The following DLG2 variants were observed in gnomAD, a reference collection of about 807,000 sequenced individuals.
DLG2 encodes the protein disks large homolog 2.
DLG2 carries 45 observed loss-of-function variants against 132.5 expected under a neutral mutation model. That is an observed-to-expected ratio of 0.34 (90% CI 0.27 to 0.44). The LOEUF is 0.44. Among genes scored for constraint, DLG2 ranks in the 20% least tolerant of loss-of-function variants. DLG2 has a pLI of 1.00. For synonymous variants in DLG2, 424 were observed against 419.6 expected (o/e 1.01, Z -0.13); for missense variants, 1,045 against 1,196.9 (o/e 0.87, Z 1.87).
chr11:83,510,040 T>C (rs2094925184), intron 21 of DLG2, among the ~76,000 whole-genome samples: 1 of 152,228 alleles, frequency 6.6e-6, no homozygotes, highest in African/African-American at 2.4e-5. Flanking sequence ...GCAAGATTCC[T>C]GGCCCTGGCC....
At chr11:84,787,407 A>G (rs1322478994) in intron 6 of DLG2, among the ~76,000 whole-genome samples, 1 of 152,160 alleles carries the variant, frequency 6.6e-6, no homozygotes, top group African/African-American at 2.4e-5. Flanking sequence ...TTCCCTATGC[A>G]CAGAAGGCCT....
intron 6 of DLG2, among the ~76,000 whole-genome samples, chr11:84,951,821 T>C (rs2050968556): frequency 6.6e-6 from 1 of 152,022 alleles, no homozygotes; most frequent in African/African-American, 2.4e-5. Flanking sequence ...TGTATAAACA[T>C]ATGCAGATCA....
intron 2 of DLG2, among the ~76,000 whole-genome samples, chr11:85,623,090 A>G (rs944008220): frequency 1.3e-5 from 2 of 152,060 alleles, no homozygotes; most frequent in African/African-American, 2.4e-5. Context: ...CAATTATATA[A>G]CATTCTTCAG....
At chr11:84,402,269 A>G (rs2098832109) in intron 7 of DLG2, among the ~76,000 whole-genome samples, 1 of 152,168 alleles carries the variant, frequency 6.6e-6, no homozygotes, top group Non-Finnish European at 1.5e-5. Flanking sequence ...AATAAAATGT[A>G]TCTATATTAT....
At chr11:85,550,294 G>C (rs1290681932) in intron 3 of DLG2, among the ~76,000 whole-genome samples, 1 of 152,244 alleles carries the variant, frequency 6.6e-6, no homozygotes, top group Non-Finnish European at 1.5e-5. Flanking sequence ...CTAAGCCATA[G>C]TGGATGGCAG....
chr11:83,965,264 T>G (rs2089927926), intron 13 of DLG2, 60 bp downstream of exon 13: 2 of 1,529,110 alleles, frequency 1.3e-6, no homozygotes, highest in African/African-American at 1.4e-5. Context: ...TGTCAACAGT[T>G]TTATAGAATT....
chr11:84,238,429 A>T (rs1686682062), intron 8 of DLG2, among the ~76,000 whole-genome samples: 1 of 151,990 alleles, frequency 6.6e-6, no homozygotes, highest in African/African-American at 2.4e-5. Context: ...CTGAGATGAA[A>T]GGATTGTTTG....
At chr11:84,786,213 A>G (rs1378608833) in intron 6 of DLG2, among the ~76,000 whole-genome samples, 3 of 152,136 alleles carry the variant, frequency 2.0e-5, no homozygotes, top group African/African-American at 7.2e-5. Flanking sequence ...TGCCTATAGA[A>G]CAAGTGATAT....
intron 15 of DLG2, among the ~76,000 whole-genome samples, chr11:83,887,677 G>A (rs1352868366): frequency 6.6e-6 from 1 of 151,020 alleles, no homozygotes; most frequent in Non-Finnish European, 1.5e-5. Context: ...TATCCTTGAT[G>A]AACATTGATG....
At chr11:85,288,506 G>A (rs1490893168) in intron 3 of DLG2, among the ~76,000 whole-genome samples, 2 of 151,956 alleles carry the variant, frequency 1.3e-5, no homozygotes, top group East Asian at 3.9e-4. Context: ...TATTAATGGA[G>A]AGAAAAGAAT....
chr11:84,194,486 CAA>C (rs2096476931), intron 8 of DLG2, among the ~76,000 whole-genome samples: 1 of 152,192 alleles, frequency 6.6e-6, no homozygotes, highest in East Asian at 1.9e-4. Flanking sequence ...AGTGAAAGAA[CAA>C]AGACCCGAGT....
chr11:84,130,553 GTATA>G (rs2094379433), intron 9 of DLG2, among the ~76,000 whole-genome samples: 1 of 135,126 alleles, frequency 7.4e-6, no homozygotes. Context: ...TATATATAAA[GTATA>G]TATAAGTATA....
At chr11:84,919,521 C>T (rs935435184) in intron 6 of DLG2, among the ~76,000 whole-genome samples, 2 of 152,126 alleles carry the variant, frequency 1.3e-5, no homozygotes, top group African/African-American at 2.4e-5. Flanking sequence ...TAAGTCACCG[C>T]TCAAGAGACT....
chr11:84,872,699 AG>A (rs2085662744), intron 6 of DLG2, among the ~76,000 whole-genome samples: 1 of 152,352 alleles, frequency 6.6e-6, no homozygotes, highest in African/African-American at 2.4e-5. Context: ...TTCACATGTA[AG>A]CAAGGAAAAC....
intron 19 of DLG2, among the ~76,000 whole-genome samples, chr11:83,544,790 G>A (rs2096192760): frequency 6.6e-6 from 1 of 152,140 alleles, no homozygotes; most frequent in East Asian, 1.9e-4. Flanking sequence ...CCTGGCCCAG[G>A]TCACACATAC....
chr11:84,859,407 CAT>C (rs1475110555), intron 6 of DLG2, among the ~76,000 whole-genome samples: 2 of 139,412 alleles, frequency 1.4e-5, no homozygotes, highest in Admixed American at 7.3e-5. Flanking sequence ...TGTATATATA[CAT>C]ATATATGTAT....
chr11:84,845,682 CTTTTT>C (rs11411513), intron 6 of DLG2, among the ~76,000 whole-genome samples: 2 of 138,822 alleles, frequency 1.4e-5, no homozygotes, highest in Admixed American at 7.3e-5. Context: ...GATCGTCACT[CTTTTT>C]TTTTTTTTTT....
At chr11:83,830,156 C>A (rs7926468) in intron 17 of DLG2, among the ~76,000 whole-genome samples, 41,152 of 152,066 alleles carry the variant, frequency 0.27, 7,068 homozygotes, top group African/African-American at 0.48. Flanking sequence ...TCCTCATCAT[C>A]TGTATTTGCA....
At chr11:85,263,403 G>T (rs945245730) in intron 4 of DLG2, among the ~76,000 whole-genome samples, 1 of 152,218 alleles carries the variant, frequency 6.6e-6, no homozygotes, top group Non-Finnish European at 1.5e-5. Flanking sequence ...CAAAACGCAT[G>T]TGGGTTTGCC....
Sources: allele counts gnomAD v4.1 joint callset (sites outside exome capture counted in the v4.1 genomes callset), GRCh38; gene constraint gnomAD v4.1.1; transcripts MANE v1.5; gene names NCBI Gene and HGNC (gene_info 2026-07-23, HGNC 2026-07-21).